Variants in SH3GL2 observed in about 807,000 individuals in gnomAD.
SH3GL2 encodes the protein endophilin-A1.
In SH3GL2, 24 loss-of-function variants were observed where a neutral mutation model predicts 46.0. That is an observed-to-expected ratio of 0.52 (90% confidence interval 0.38 to 0.73). The LOEUF (loss-of-function observed/expected upper bound fraction) is 0.73. Among genes scored for constraint, SH3GL2 ranks in the 30% least tolerant of loss-of-function variants. The pLI is 0.00. For synonymous variants in SH3GL2, 196 were observed against 147.1 expected (o/e 1.33, Z -2.40); for missense variants, 413 against 424.2 (o/e 0.97, Z 0.23).
At chr9:17,580,618 A>C (rs8181077) in intron 1 of SH3GL2, among the ~76,000 whole-genome samples, 1 of 152,000 alleles carries the variant, frequency 6.6e-6, no homozygotes, top group Non-Finnish European at 1.5e-5. Flanking sequence ...AATTGGAGTT[A>C]TCTGTGACCT....
chr9:17,604,210 A>G (rs1241721497), intron 1 of SH3GL2, among the ~76,000 whole-genome samples: 2 of 152,088 alleles, frequency 1.3e-5, no homozygotes, highest in Non-Finnish European at 2.9e-5. Context: ...TTTCCTGGAG[A>G]GGCTGTGCAA....
chr9:17,749,483 C>T (rs1668000428), intron 2 of SH3GL2, among the ~76,000 whole-genome samples: 1 of 152,130 alleles, frequency 6.6e-6, no homozygotes. Context: ...TATAGTTTGC[C>T]ACGTGGCCAA....
intron 1 of SH3GL2, 53 bp downstream of exon 1, chr9:17,579,340 G>T: frequency 4.6e-6 from 6 of 1,292,722 alleles, no homozygotes; most frequent in Non-Finnish European, 6.4e-6. Context: ...AGCTGCGAGG[G>T]GCGCGCTCGG....
At chr9:17,759,377 A>T (rs185945819) in intron 2 of SH3GL2, among the ~76,000 whole-genome samples, 39 of 152,340 alleles carry the variant, frequency 2.6e-4, no homozygotes, top group African/African-American at 9.4e-4. Flanking sequence ...CCAGGTCCCC[A>T]GCCCCATCTT....
At chr9:17,579,530 G>T (rs1243775842) in intron 1 of SH3GL2, among the ~76,000 whole-genome samples, 1 of 152,068 alleles carries the variant, frequency 6.6e-6, no homozygotes, top group African/African-American at 2.4e-5. Flanking sequence ...CGTCCTGCCT[G>T]GTAGCGCTGC....
chr9:17,602,579 T>C (rs1818691201), intron 1 of SH3GL2, among the ~76,000 whole-genome samples: 1 of 151,954 alleles, frequency 6.6e-6, no homozygotes, highest in South Asian at 2.1e-4. Flanking sequence ...AAATGAGGAG[T>C]AACCGGATCC....
chr9:17,781,303 C>T (rs1823800352), intron 3 of SH3GL2, among the ~76,000 whole-genome samples: 1 of 107,818 alleles, frequency 9.3e-6, no homozygotes, highest in Admixed American at 9.9e-5. Context: ...CTGTTCATGT[C>T]CTTCGCCCAC....
In SH3GL2 at chr9:17,717,345, C is replaced by G. The variant is rs545509296; in HGVS notation, c.46-29721C>G. Among the ~76,000 whole-genome samples the G allele has an allele frequency of 1.4e-4, 21 of 152,238 alleles. No individual in the cohort carries two copies. In the South Asian group the frequency reaches 4.1e-3, roughly 30 times the overall value. ...CTTTTTCATATTACCTGAAATCGGT[C>G]TTTTACTAACCTCCATCCAAATTTG... On this transcript the variant is annotated intron_variant, in intron 1 of 8. Coordinates refer to ENST00000380607, the MANE Select transcript of SH3GL2 (RefSeq NM_003026.5).
At chr9:17,606,036 A>T (rs1818754497) in intron 1 of SH3GL2, among the ~76,000 whole-genome samples, 1 of 152,038 alleles carries the variant, frequency 6.6e-6, no homozygotes, top group African/African-American at 2.4e-5. Flanking sequence ...AAGTAGTCTC[A>T]TTCTACCCTT....
intron 1 of SH3GL2, among the ~76,000 whole-genome samples, chr9:17,630,915 G>A (rs149835833): frequency 1.3e-5 from 2 of 152,216 alleles, no homozygotes; most frequent in East Asian, 3.9e-4. Context: ...CTCCTACAAT[G>A]ACTGTAGAAA....
chr9:17,747,679 GTTA>G (rs1822732383), intron 2 of SH3GL2, among the ~76,000 whole-genome samples: 1 of 151,852 alleles, frequency 6.6e-6, no homozygotes, highest in Non-Finnish European at 1.5e-5. Context: ...TATTATTATT[GTTA>G]TTATTTTTTT....
intron 1 of SH3GL2, among the ~76,000 whole-genome samples, chr9:17,645,151 C>CTTTTTTTTTTTTTTTTTTTTTT (rs57611978): frequency 1.0e-4 from 7 of 68,776 alleles, no homozygotes; most frequent in East Asian, 7.1e-4. Context: ...GCAAACGCTG[C>CTTTTTTTTTTTTTTTTTTTTTT]TTTTTTTTTT....
chr9:17,642,016 A>G (rs1030039796), intron 1 of SH3GL2, among the ~76,000 whole-genome samples: 1 of 152,140 alleles, frequency 6.6e-6, no homozygotes, highest in African/African-American at 2.4e-5. Context: ...GAATCACCAC[A>G]CTGTCTTGCC....
At chr9:17,732,277 T>A (rs2118423942) in intron 1 of SH3GL2, among the ~76,000 whole-genome samples, 1 of 152,262 alleles carries the variant, frequency 6.6e-6, no homozygotes, top group Non-Finnish European at 1.5e-5. Context: ...GGTTTGCCAC[T>A]GGAAGAGGCA....
At chr9:17,634,868 G>A (rs1175293984) in intron 1 of SH3GL2, among the ~76,000 whole-genome samples, 3 of 152,198 alleles carry the variant, frequency 2.0e-5, no homozygotes, top group Non-Finnish European at 2.9e-5. Context: ...GCCCTGGATG[G>A]GGAAGGGTAA....
intron 1 of SH3GL2, among the ~76,000 whole-genome samples, chr9:17,580,057 C>T (rs1211687157): frequency 6.6e-6 from 1 of 152,176 alleles, no homozygotes; most frequent in Non-Finnish European, 1.5e-5. Context: ...TAAGCTGTGA[C>T]TGTAATAAAA....
intron 2 of SH3GL2, among the ~76,000 whole-genome samples, chr9:17,757,525 G>C (rs1823033063): frequency 1.3e-5 from 2 of 152,186 alleles, no homozygotes; most frequent in Non-Finnish European, 2.9e-5. Flanking sequence ...TCTTTAAACA[G>C]CCTTCCCTAA....
chr9:17,747,916 C>T (rs908720171), intron 2 of SH3GL2, among the ~76,000 whole-genome samples: 3 of 152,092 alleles, frequency 2.0e-5, no homozygotes, highest in African/African-American at 4.8e-5. Flanking sequence ...TCAGGTGGTC[C>T]GCCTGCCTCA....
rs1374394931 is a variant in SH3GL2 at position 17,793,377 on chromosome 9, G to A, written c.739G>A (p.Ala247Thr). ...TTCTTTTTACTGCAGAATAAGACAGGCTTCATCTCAGCCTAGAAGGGAATA... is the reference window on the plus strand; with the variant it reads ...TTCTTTTTACTGCAGAATAAGACAGACTTCATCTCAGCCTAGAAGGGAATA... ...TVRLEERIRQ[A>T]SSQPRREYQP... is the part of the protein sequence containing the mutation. Residue 247 changes from alanine to threonine, a missense_variant, in exon 8 of 9, where the codon GCT (alanine) becomes ACT (threonine). Around this residue, in one of 3 missense-constraint regions of SH3GL2, gnomAD observed 248 missense variants for 215.0 expected, o/e 1.15. Transcript: ENST00000380607. The A allele has an allele frequency of 6.2e-7, 1 of 1,611,486 alleles. No individual in the cohort carries two copies. Among genetic ancestry groups the A allele is most frequent in the Non-Finnish European group, 8.5e-7 (1 of 1,178,914 alleles).
Sources: gnomAD v4.1 joint callset for allele counts (sites outside exome capture counted in the v4.1 genomes callset) on GRCh38, gnomAD v4.1.1 for gene constraint, gnomAD v4.1.1 regional missense constraint, MANE v1.5 for transcripts, NCBI Gene and HGNC (gene_info 2026-07-23, HGNC 2026-07-21) for gene names.